Variants in SLC7A8 observed in about 807,000 individuals in gnomAD.
SLC7A8 encodes the protein large neutral amino acids transporter small subunit 2.
In SLC7A8, 30 loss-of-function variants were observed where a neutral mutation model predicts 51.2. That is an observed-to-expected ratio of 0.59 (90% CI 0.44 to 0.80). SLC7A8 has a LOEUF of 0.80. SLC7A8 is among the 30% of genes least tolerant of loss of function. SLC7A8 has a pLI of 0.00. For missense variants in SLC7A8, 612 were observed against 674.4 expected (o/e 0.91, Z 1.03); for synonymous variants, 257 against 275.8 (o/e 0.93, Z 0.67).
rs547398613 is a variant in SLC7A8 at position 23,132,637 on chromosome 14, CT to C, written c.1017-1081del. On this transcript the variant is annotated intron_variant, in intron 7 of 10. Coordinates refer to ENST00000316902, the MANE Select transcript of SLC7A8 (RefSeq NM_012244.4). ...CATCAAAATGAACATTTATGATCTG[CT>C]TTTTTTTTTTTTTTGAGACGGAGTT... is the stretch of plus-strand genomic sequence containing the variant. Among the ~76,000 whole-genome samples, 289 of 140,274 alleles carry C rather than the reference CT, an allele frequency of 2.1e-3. 2 individuals are homozygous for C. Among genetic ancestry groups the C allele is most frequent in the Admixed American group, 2.4e-3 (33 of 13,962 alleles). The allele number at this position is 140,274 out of a possible 152,430, so 92.0% of individuals were successfully genotyped here. A position where few individuals can be genotyped will look rare whatever the true frequency, so the allele number is the denominator to read the frequency against.
chr14:23,180,471 T>C (rs550809124), intron 1 of SLC7A8, among the ~76,000 whole-genome samples: 1 of 152,168 alleles, frequency 6.6e-6, no homozygotes, highest in Non-Finnish European at 1.5e-5. Flanking sequence ...CTAGCTTAAG[T>C]TGGGGTAGAA....
chr14:23,171,795 C>T (rs151038724), intron 1 of SLC7A8, among the ~76,000 whole-genome samples: 11 of 152,298 alleles, frequency 7.2e-5, no homozygotes, highest in African/African-American at 2.6e-4. Flanking sequence ...CACGCCAGGC[C>T]TGGAAGCTCA....
intron 8 of SLC7A8, chr14:23,130,012 A>C: frequency 1.8e-6 from 1 of 556,342 alleles, no homozygotes. Context: ...GATGATCAAA[A>C]TATTTAACCA....
intron 7 of SLC7A8, among the ~76,000 whole-genome samples, chr14:23,133,848 T>C (rs1566357009): frequency 1.3e-5 from 2 of 152,076 alleles, no homozygotes; most frequent in Non-Finnish European, 2.9e-5. Context: ...GGGAACATTA[T>C]GTAGTCATAA....
At chr14:23,149,604 C>T (rs993089655) in intron 3 of SLC7A8, among the ~76,000 whole-genome samples, 1 of 152,202 alleles carries the variant, frequency 6.6e-6, no homozygotes, top group African/African-American at 2.4e-5. Flanking sequence ...TCTGAGTACA[C>T]TCTTCACATC....
chr14:23,164,333 T>C (rs1055783006), intron 3 of SLC7A8, among the ~76,000 whole-genome samples: 4 of 152,356 alleles, frequency 2.6e-5, no homozygotes, highest in Middle Eastern at 6.8e-3. Context: ...GTAATCTTCC[T>C]AGGAGCAGCT....
At chr14:23,156,383 A>T (rs1387114904) in intron 3 of SLC7A8, 6 of 152,112 alleles carry the variant, frequency 3.9e-5, no homozygotes, top group African/African-American at 1.4e-4. Flanking sequence ...GTACTGCTCC[A>T]ATTTTAGTAT....
At position 23,137,824 on chromosome 14, in the gene SLC7A8, A is replaced by G. The variant is rs1434329722; in HGVS notation, c.1016+97T>C. The G allele has an allele frequency of 2.0e-6, 3 of 1,485,968 alleles. No individual in the cohort carries two copies. The Admixed American group carries it at 5.9e-5, about 29-fold the overall frequency. 92.0% of individuals were successfully genotyped at this position (1,485,968 alleles called of 1,614,324 possible). A position where few individuals can be genotyped will look rare whatever the true frequency, so the allele number is the denominator to read the frequency against. On this transcript the variant is annotated intron_variant, in intron 7 of 10. Coordinates refer to ENST00000316902, the MANE Select transcript of SLC7A8 (RefSeq NM_012244.4). ...GCAAGCCCAACATCCAGATGCCCAC[A>G]CAGACCCCTGCTGACAGAGACAAGC...
chr14:23,158,097 A>G (rs2048903387), intron 3 of SLC7A8, among the ~76,000 whole-genome samples: 1 of 152,202 alleles, frequency 6.6e-6, no homozygotes, highest in Non-Finnish European at 1.5e-5. Context: ...GCTGCTTCAC[A>G]TGAGAATGAG....
chr14:23,162,656 AGCAGGGCTACAG>A (rs1453389238), intron 3 of SLC7A8, among the ~76,000 whole-genome samples: 9 of 152,134 alleles, frequency 5.9e-5, no homozygotes. Flanking sequence ...GTCATTCTGG[AGCAGGGCTACAG>A]GCAGGTGGCG....
At chr14:23,131,284 T>C (rs2048629931) in intron 8 of SLC7A8, among the ~76,000 whole-genome samples, 177 bp downstream of exon 8, 1 of 152,186 alleles carries the variant, frequency 6.6e-6, no homozygotes, top group Admixed American at 6.5e-5. Flanking sequence ...CCTTGCTATA[T>C]CTCTTGATAT....
At chr14:23,176,999 A>T (rs1876957197) in intron 1 of SLC7A8, among the ~76,000 whole-genome samples, 1 of 151,986 alleles carries the variant, frequency 6.6e-6, no homozygotes, top group South Asian at 2.1e-4. Flanking sequence ...ATACTATTTT[A>T]AAAAATCATG....
chr14:23,130,559 T>C (rs978410408), intron 8 of SLC7A8, among the ~76,000 whole-genome samples: 1 of 152,208 alleles, frequency 6.6e-6, no homozygotes, highest in Non-Finnish European at 1.5e-5. Flanking sequence ...TTAGTCACAC[T>C]ACTGCACCAA....
At chr14:23,152,708 C>T (rs1308092036) in intron 3 of SLC7A8, among the ~76,000 whole-genome samples, 2 of 152,196 alleles carry the variant, frequency 1.3e-5, no homozygotes, top group African/African-American at 4.8e-5. Context: ...AGCCGCCACA[C>T]CCGGTGATGT....
intron 1 of SLC7A8, among the ~76,000 whole-genome samples, chr14:23,176,173 G>A (rs1361454049): frequency 6.6e-6 from 1 of 152,178 alleles, no homozygotes; most frequent in Non-Finnish European, 1.5e-5. Context: ...CATCATATTA[G>A]AGACTAAAAT....
rs144958980 is a variant in SLC7A8, at chr14:23,182,863, C to A, written c.52G>T (p.Gly18Trp). 1,707 of 1,614,154 alleles carry A rather than the reference C, an allele frequency of 1.1e-3. 16 individuals carry two copies. In the African/African-American group the frequency reaches 0.02, roughly 19 times the overall value. ...TCGGGGCTGGCGTCCGACTCGCCCC[C>A]ACCTGGGTGTTTCTTTTCGGTGTTG... ...RNNTEKKHPG[G>W]GESDASPEAG... is the part of the protein sequence containing the mutation. Residue 18 changes from glycine to tryptophan, a missense_variant, in exon 1 of 11, where the codon GGG (glycine) becomes TGG (tryptophan). Coordinates refer to ENST00000316902, the MANE Select transcript of SLC7A8 (RefSeq NM_012244.4).
chr14:23,131,394 C>T, intron 8 of SLC7A8, 67 bp downstream of exon 8: 1 of 1,339,966 alleles, frequency 7.5e-7, no homozygotes, highest in East Asian at 2.5e-5. Context: ...AAAGCATGAA[C>T]TCCCAGCTTA....
At chr14:23,130,931 C>T (rs1302679546) in intron 8 of SLC7A8, among the ~76,000 whole-genome samples, 1 of 152,230 alleles carries the variant, frequency 6.6e-6, no homozygotes, top group Non-Finnish European at 1.5e-5. Context: ...TCTTTCCTGT[C>T]CCAAGTTTCC....
At chr14:23,130,650 C>A (rs2048623357) in intron 8 of SLC7A8, among the ~76,000 whole-genome samples, 1 of 152,182 alleles carries the variant, frequency 6.6e-6, no homozygotes, top group Non-Finnish European at 1.5e-5. Flanking sequence ...TCTCCAGCCA[C>A]CTTCGACAAC....
Sources: allele counts gnomAD v4.1 joint callset (sites outside exome capture counted in the v4.1 genomes callset), GRCh38; gene constraint gnomAD v4.1.1; transcripts MANE v1.5; gene names NCBI Gene and HGNC (gene_info 2026-07-23, HGNC 2026-07-21).